ZBTB4: variants seen among roughly 807,000 people sequenced by gnomAD.
ZBTB4 encodes the protein zinc finger and BTB domain containing 4.
In ZBTB4, 14 loss-of-function variants were observed where a neutral mutation model predicts 59.8. The ratio of observed to expected loss-of-function variants is 0.23; its 90% CI spans 0.15 to 0.37. ZBTB4 has a LOEUF of 0.37. Ranked by LOEUF, ZBTB4 falls within the 10% of genes least tolerant of loss-of-function variation. ZBTB4 has a pLI of 1.00. For missense variants in ZBTB4, 1,198 were observed against 1,380.8 expected (o/e 0.87, Z 2.10); for synonymous variants, 587 against 575.2 (o/e 1.02, Z -0.29).
chr17:7,479,578 G>C lies in ZBTB4; in HGVS notation c.-203C>G, dbSNP rs2070316917. ...CAGCTCCGGCCCTGGCCCCCCCAGCGCCTGGCCCCGGCCCGGCCCCGCTGC... is the reference window on the plus strand; with the variant it reads ...CAGCTCCGGCCCTGGCCCCCCCAGCCCCTGGCCCCGGCCCGGCCCCGCTGC... On this transcript the variant is annotated 5_prime_UTR_variant, in exon 1 of 4. Coordinates refer to ENST00000380599, the MANE Select transcript of ZBTB4 (RefSeq NM_001128833.2). The C allele has an allele frequency of 5.9e-6, 1 of 168,220 alleles. No homozygotes were observed. Among genetic ancestry groups the C allele is most frequent in the African/African-American group, 2.4e-5 (1 of 41,448 alleles). 10.4% of individuals were successfully genotyped at this position (168,220 alleles called of 1,614,324 possible).
upstream of ZBTB4, chr17:7,482,110 G>A (rs747196491): frequency 1.2e-6 from 2 of 1,614,206 alleles, no homozygotes; most frequent in Non-Finnish European, 1.7e-6. Context: ...GCCTGCTGGT[G>A]GCCCTGCTGG....
upstream of ZBTB4, chr17:7,481,894 C>T (rs2070349087): frequency 2.0e-6 from 3 of 1,489,542 alleles, no homozygotes; most frequent in South Asian, 2.7e-5. Flanking sequence ...CTGTACAGTC[C>T]CACAGGGTCC....
Position 7,478,203 on chromosome 17 carries a change from C to T in ZBTB4, c.-81+1253G>A, listed in dbSNP as rs151112490. 1.2e-3 allele frequency among the ~76,000 whole-genome samples: 185 copies of T among 152,232 alleles called. 2 individuals carry two copies. The highest frequency in any genetic ancestry group is 1.9e-3 in the Non-Finnish European group (128 of 68,002). On this transcript the variant is annotated intron_variant, in intron 1 of 3. Coordinates refer to ENST00000380599, the MANE Select transcript of ZBTB4 (RefSeq NM_001128833.2). ...AGCAGCCCAGACAGGCTCCTACAAA[C>T]AACGTCACAAAAGAATCCTGTGGAG... is the stretch of plus-strand genomic sequence containing the variant.
upstream of ZBTB4, chr17:7,482,060 C>CG (rs1182709702): frequency 5.6e-6 from 9 of 1,613,738 alleles, no homozygotes; most frequent in Admixed American, 1.5e-4. Context: ...ACCCAGCCTC[C>CG]GCTGGCACCA....
At chr17:7,481,393 T>C, upstream of ZBTB4, 1 of 1,290,904 alleles carries the variant, frequency 7.7e-7, no homozygotes, top group African/African-American at 1.5e-5. Context: ...AAAATAGGCG[T>C]GCTACCACCT....
chr17:7,475,175 C>G (rs1018395188), intron 1 of ZBTB4, among the ~76,000 whole-genome samples: 1 of 151,254 alleles, frequency 6.6e-6, no homozygotes, highest in Non-Finnish European at 1.5e-5. Flanking sequence ...AACTTGGTCT[C>G]TACTGAAAAT....
intron 1 of ZBTB4, among the ~76,000 whole-genome samples, chr17:7,477,467 C>T (rs1451985863): frequency 6.6e-6 from 1 of 152,222 alleles, no homozygotes; most frequent in African/African-American, 2.4e-5. Flanking sequence ...CCCAGCCCCC[C>T]ATGCCGGAGG....
At chr17:7,477,618 C>T (rs984283801) in intron 1 of ZBTB4, among the ~76,000 whole-genome samples, 2 of 152,186 alleles carry the variant, frequency 1.3e-5, no homozygotes. Context: ...GTGAGGAAAA[C>T]CTGTTCTGAG....
chr17:7,478,441 C>T (rs535639577), intron 1 of ZBTB4, among the ~76,000 whole-genome samples: 1 of 152,184 alleles, frequency 6.6e-6, no homozygotes, highest in East Asian at 1.9e-4. Flanking sequence ...GACACGCAAA[C>T]CCATCCATCG....
intron 1 of ZBTB4, among the ~76,000 whole-genome samples, chr17:7,471,749 T>TG (rs1473197931): frequency 3.9e-5 from 6 of 152,292 alleles, no homozygotes; most frequent in Non-Finnish European, 7.4e-5. Flanking sequence ...GTTCCTACCT[T>TG]GTGGGGTTGT....
rs764117868 is a variant in ZBTB4 at position 7,462,872 on chromosome 17, G to A, written c.2110C>T (p.Arg704Trp). ...GCTGGGGTTTCCTCCCAGCTCCTCC[G>A]TTCCAGCTTCTGCCTCCAACGTGGT... ...RPPRWRQKLE[R>W]RSWEETPAAE... Residue 704 changes from arginine (R) to tryptophan (W), a missense_variant, in exon 4 of 4, where the codon CGG (arginine) becomes TGG (tryptophan). By Grantham distance (101) the Arg-to-Trp change is moderately radical. Transcript: ENST00000380599. This position sits in a 1 kb window ranked among gnomAD's most constrained non-coding sequence, Gnocchi z 7.5. The A allele has an allele frequency of 1.2e-5, 20 of 1,606,396 alleles. No individual in the cohort carries two copies. Among genetic ancestry groups the A allele is most frequent in the African/African-American group, 5.3e-5 (4 of 74,930 alleles).
At chr17:7,482,966 C>G (rs377148669), upstream of ZBTB4, 1 of 1,611,970 alleles carries the variant, frequency 6.2e-7, no homozygotes, top group Non-Finnish European at 8.5e-7. Flanking sequence ...AGCCTGGAAC[C>G]TCAGCTGTGA....
At chr17:7,478,128 C>T (rs996197131) in intron 1 of ZBTB4, among the ~76,000 whole-genome samples, 4 of 152,120 alleles carry the variant, frequency 2.6e-5, no homozygotes, top group African/African-American at 7.2e-5. Context: ...GCCCTTGTCA[C>T]GCCACCTCCC....
At chr17:7,467,144 C>T (rs923019901) in intron 2 of ZBTB4, 113 bp downstream of exon 2, 1 of 1,123,200 alleles carries the variant, frequency 8.9e-7, no homozygotes, top group Non-Finnish European at 1.1e-6. Context: ...AGCTCCACAA[C>T]TCCTGATAGC....
At chr17:7,480,261 G>T (rs1047586786), upstream of ZBTB4, among the ~76,000 whole-genome samples, 1 of 152,166 alleles carries the variant, frequency 6.6e-6, no homozygotes, top group African/African-American at 2.4e-5. Flanking sequence ...AGAGGCCTTG[G>T]TGTCGGCCTC....
intron 1 of ZBTB4, among the ~76,000 whole-genome samples, chr17:7,478,471 A>G (rs1034482389): frequency 1.3e-5 from 2 of 151,930 alleles, no homozygotes; most frequent in Non-Finnish European, 2.9e-5. Context: ...CCACTGGACC[A>G]CACCTCAGCA....
Position 7,462,761 on chromosome 17 carries a change from G to C in ZBTB4, c.2221C>G (p.Leu741Val), listed in dbSNP as rs762472020. ...CCGTGGGCCTCTTGGTGCTTCCGCA[G>C]CTTTCTCAGGGTGGTGAAGGTCTGG... The part of the protein sequence containing the change: ...CAQTFTTLRK[L>V]RKHQEAHGGG... Residue 741 changes from leucine (L) to valine (V), a missense_variant, in exon 4 of 4, where the codon CTG (leucine) becomes GTG (valine). Transcript: ENST00000380599. This position sits in a 1 kb window ranked among gnomAD's most constrained non-coding sequence, Gnocchi z 7.5. 1.2e-6 allele frequency: 2 copies of C among 1,602,848 alleles called. No individual in the cohort carries two copies. Among genetic ancestry groups the C allele is most frequent in the Admixed American group, 1.7e-5 (1 of 60,024 alleles).
At chr17:7,468,833 C>T (rs542741239) in intron 1 of ZBTB4, among the ~76,000 whole-genome samples, 3 of 152,320 alleles carry the variant, frequency 2.0e-5, no homozygotes, top group African/African-American at 4.8e-5. Flanking sequence ...TTCACATCCC[C>T]CAAAATATTT....
Position 7,463,754 on chromosome 17 carries a change from T to C in ZBTB4, c.1228A>G (p.Asn410Asp). The change falls in exon 4 of 4, where the codon AAT becomes GAT. Residue 410 changes from asparagine to aspartate, a missense_variant. Around this residue, in one of 9 missense-constraint regions of ZBTB4, gnomAD observed 60 missense variants for 93.0 expected, o/e 0.64. Coordinates refer to ENST00000380599, the MANE Select transcript of ZBTB4 (RefSeq NM_001128833.2). ...TPNGGYKPKL[N>D]TLKLYRLLPM... Reference sequence around the variant, plus strand: ...AGCAGGCGGTAGAGCTTGAGTGTATTGAGCTTGGGCTTGTAGCCTCCATTG... The same window carrying C: ...AGCAGGCGGTAGAGCTTGAGTGTATCGAGCTTGGGCTTGTAGCCTCCATTG... The C allele has an allele frequency of 6.2e-7, 1 of 1,614,064 alleles. No homozygotes were observed. The highest frequency in any genetic ancestry group is 8.5e-7 in the Non-Finnish European group (1 of 1,180,016).
Sources: allele counts gnomAD v4.1 joint callset (sites outside exome capture counted in the v4.1 genomes callset), GRCh38; gene constraint gnomAD v4.1.1; regional missense constraint gnomAD v4.1.1; non-coding constraint Gnocchi (gnomAD v3.1); transcripts MANE v1.5; gene names NCBI Gene and HGNC (gene_info 2026-07-23, HGNC 2026-07-21).